GPR146: variants seen among roughly 807,000 people sequenced by gnomAD.
The protein encoded by GPR146 is G protein-coupled receptor 146, also known as G-protein coupled receptor 146.
For missense variants in GPR146, 381 were observed against 213.9 expected (o/e 1.78, Z -4.87); for synonymous variants, 203 against 104.3 (o/e 1.95, Z -5.77).
At chr7:1,048,857 C>T (rs1225885243) in intron 1 of GPR146, among the ~76,000 whole-genome samples, 3 of 152,202 alleles carry the variant, frequency 2.0e-5, no homozygotes, top group Admixed American at 1.3e-4. Flanking sequence ...GGTTCTCCTT[C>T]TCAGTCCCAT....
At chr7:1,055,229 C>T (rs746911807) in intron 1 of GPR146, 2 of 470,890 alleles carry the variant, frequency 4.2e-6, no homozygotes, top group East Asian at 6.9e-5. Flanking sequence ...GAGGGAGGGG[C>T]GGTGGCGCCT....
intron 1 of GPR146, among the ~76,000 whole-genome samples, chr7:1,048,473 G>C (rs1563045613): frequency 6.6e-6 from 1 of 152,044 alleles, no homozygotes; most frequent in Non-Finnish European, 1.5e-5. Context: ...TGCCTCTCAG[G>C]TTGAGAGGGG....
At chr7:1,048,262 G>C (rs936552107) in intron 1 of GPR146, among the ~76,000 whole-genome samples, 3 of 152,182 alleles carry the variant, frequency 2.0e-5, no homozygotes, top group African/African-American at 4.8e-5. Flanking sequence ...GCCGGCCCCA[G>C]CTCTGACAGG....
chr7:1,046,954 CG>C (rs1377867661), intron 1 of GPR146, among the ~76,000 whole-genome samples: 2 of 152,234 alleles, frequency 1.3e-5, no homozygotes, highest in African/African-American at 4.8e-5. Flanking sequence ...CCTAGTAAAC[CG>C]GGGCTCGACT....
At position 1,052,754 on chromosome 7, in the gene GPR146, C is replaced by T. The variant is rs191163402; in HGVS notation, c.-24-4738C>T. Among the ~76,000 whole-genome samples, 54 of 152,108 alleles carry T rather than the reference C, an allele frequency of 3.6e-4. No individual in the cohort carries two copies. Among genetic ancestry groups the T allele is most frequent in the Middle Eastern group, 3.4e-3 (1 of 294 alleles). On this transcript the variant is annotated intron_variant, in intron 1 of 1. Transcript: ENST00000444847. The surrounding 1 kb of genome is among the most constrained non-coding windows in gnomAD (Gnocchi z 4.2). Reference sequence around the variant, plus strand: ...CGGGCAGGCAGTGCTCAGAGTGAAACGGGTGACTGGAGGGCATGTGCCAGC... The same window carrying T: ...CGGGCAGGCAGTGCTCAGAGTGAAATGGGTGACTGGAGGGCATGTGCCAGC...
In GPR146 at chr7:1,058,460, C is replaced by G. The variant is rs773872714; in HGVS notation, c.945C>G (p.Pro315=). The G allele has an allele frequency of 6.4e-6, 5 of 780,492 alleles. No homozygotes were observed. Among genetic ancestry groups the G allele is most frequent in the Non-Finnish European group, 1.2e-5 (5 of 418,122 alleles). 48.3% of individuals were successfully genotyped at this position (780,492 alleles called of 1,614,324 possible). A position where few individuals can be genotyped will look rare whatever the true frequency, so the allele number is the denominator to read the frequency against. Residue 315 remains proline, a synonymous_variant, in exon 2 of 2, where the codon CCC becomes CCG. Transcript: ENST00000444847. Reference sequence around the variant, plus strand: ...TCCAACGGCTGATGAAAAAGCTGCCCTGCGGGGACCGGCACTGCTCCCCGG... The same window carrying G: ...TCCAACGGCTGATGAAAAAGCTGCCGTGCGGGGACCGGCACTGCTCCCCGG... ...SKLQRLMKKL[P]CGDRHCSPDH... is the part of the protein sequence containing the mutation.
rs1273640740 is a variant in GPR146 at position 1,057,895 on chromosome 7, A to G, written c.380A>G (p.His127Arg). Reference sequence around the variant, plus strand: ...TCCACCGCCCTGCTGAGCCTCGACCACTACATCGAGCGTGCACTGCCGCGG... The same window carrying G: ...TCCACCGCCCTGCTGAGCCTCGACCGCTACATCGAGCGTGCACTGCCGCGG... ...MYSTALLSLDHYIERALPRTY... is the reference protein window; with the variant it reads ...MYSTALLSLDRYIERALPRTY... Residue 127 changes from histidine to arginine, a missense_variant, in exon 2 of 2, where the codon CAC (histidine) becomes CGC (arginine). Physicochemically the swap from His to Arg is conservative, Grantham distance 29. Coordinates refer to ENST00000444847, the MANE Select transcript of GPR146 (RefSeq NM_001303473.2). 3 of 776,586 alleles carry G rather than the reference A, an allele frequency of 3.9e-6. No individual in the cohort carries two copies. Among genetic ancestry groups the G allele is most frequent in the Non-Finnish European group, 4.8e-6 (2 of 418,042 alleles). 48.1% of individuals were successfully genotyped at this position (776,586 alleles called of 1,614,324 possible). A position where few individuals can be genotyped will look rare whatever the true frequency, so the allele number is the denominator to read the frequency against.
At chr7:1,053,472 T>C (rs1040463125) in intron 1 of GPR146, among the ~76,000 whole-genome samples, 13 of 152,198 alleles carry the variant, frequency 8.5e-5, no homozygotes, top group Admixed American at 3.3e-4. Flanking sequence ...CTGGCTCACA[T>C]GACTCGCCAG....
At chr7:1,055,461 G>C (rs1217842584) in intron 1 of GPR146, 1 of 461,694 alleles carries the variant, frequency 2.2e-6, no homozygotes, top group Admixed American at 2.3e-5. Flanking sequence ...ACAGCACCAA[G>C]AGGCTTGGGC....
chr7:1,050,649 C>T (rs751778479), intron 1 of GPR146, among the ~76,000 whole-genome samples: 6 of 152,210 alleles, frequency 3.9e-5, no homozygotes, highest in Admixed American at 6.5e-5. Context: ...CTTGGAACGC[C>T]GCAGCCTAGG....
rs1457419964 is a variant in GPR146 at position 1,057,702 on chromosome 7, G to C, written c.187G>C (p.Asp63His). 5.2e-6 allele frequency: 4 copies of C among 775,172 alleles called. No individual in the cohort carries two copies. In the East Asian group the frequency reaches 9.7e-5, roughly 19 times the overall value. The allele number at this position is 775,172 out of a possible 1,614,324, so 48.0% of individuals were successfully genotyped here. The change falls in exon 2 of 2, where the codon GAC becomes CAC. Residue 63 changes from aspartate to histidine, a missense_variant. Coordinates refer to ENST00000444847, the MANE Select transcript of GPR146 (RefSeq NM_001303473.2). ...LHSKASMTMP[D>H]VYFVNMAVAG... ...CAGCAAGGCCAGCATGACCATGCCG[G>C]ACGTGTACTTTGTCAACATGGCAGT...
At chr7:1,046,743 C>G (rs1782619236) in intron 1 of GPR146, among the ~76,000 whole-genome samples, 1 of 152,240 alleles carries the variant, frequency 6.6e-6, no homozygotes, top group African/African-American at 2.4e-5. Context: ...TTCATCCCCA[C>G]AGAGCCACAC....
rs1296603042 is a variant in GPR146 at position 1,046,064 on chromosome 7, A to G, written c.-25+1406A>G. On this transcript the variant is annotated intron_variant, in intron 1 of 1. Transcript: ENST00000444847. ...TCATGTGGGTCTTAGGTTAGGATGT[A>G]AAGGCTGATTATGTCTATCATACAA... 7.3e-5 allele frequency among the ~76,000 whole-genome samples: 11 copies of G among 150,296 alleles called. No homozygotes were observed. The South Asian group carries it at 8.5e-4, about 12-fold the overall frequency.
intron 1 of GPR146, among the ~76,000 whole-genome samples, chr7:1,055,647 G>A (rs1298471173): frequency 6.6e-6 from 1 of 152,184 alleles, no homozygotes; most frequent in Non-Finnish European, 1.5e-5. Flanking sequence ...AGGGAATGAA[G>A]GGGTGCCGAG....
At chr7:1,047,534 G>C (rs1233195111) in intron 1 of GPR146, among the ~76,000 whole-genome samples, 2 of 152,262 alleles carry the variant, frequency 1.3e-5, no homozygotes, top group African/African-American at 4.8e-5. Flanking sequence ...GCTCCTAGGA[G>C]CTGGATGTTA....
In GPR146 at chr7:1,052,156, T is replaced by C. The variant is rs1490479384; in HGVS notation, c.-24-5336T>C. On this transcript the variant is annotated intron_variant, in intron 1 of 1. Transcript: ENST00000444847. This position sits in a 1 kb window ranked among gnomAD's most constrained non-coding sequence, Gnocchi z 4.2. ...ATGCTGCCTGCAGCCCCTCCCCTCC[T>C]GGCCCGAGATGCTGTCATTGTCCCT... is the stretch of plus-strand genomic sequence containing the variant. Among the ~76,000 whole-genome samples the C allele has an allele frequency of 2.0e-5, 3 of 152,240 alleles. No individual in the cohort carries two copies. Among genetic ancestry groups the C allele is most frequent in the East Asian group, 1.9e-4 (1 of 5,200 alleles).
At chr7:1,046,867 T>C (rs1337045283) in intron 1 of GPR146, among the ~76,000 whole-genome samples, 1 of 152,202 alleles carries the variant, frequency 6.6e-6, no homozygotes, top group African/African-American at 2.4e-5. Context: ...AATAACCTGC[T>C]GGCTCCTCCC....
rs199669475 is a variant in GPR146 at position 1,057,893 on chromosome 7, C to T, written c.378C>T (p.Asp126=). The T allele has an allele frequency of 8.0e-5, 62 of 776,748 alleles. No homozygotes were observed. The highest frequency in any genetic ancestry group is 4.5e-4 in the Middle Eastern group (2 of 4,442). The allele number at this position is 776,748 out of a possible 1,614,324, so 48.1% of individuals were successfully genotyped here. A position where few individuals can be genotyped will look rare whatever the true frequency, so the allele number is the denominator to read the frequency against. ...AMYSTALLSL[D]HYIERALPRT... Reference sequence around the variant, plus strand: ...ACTCCACCGCCCTGCTGAGCCTCGACCACTACATCGAGCGTGCACTGCCGC... The same window carrying T: ...ACTCCACCGCCCTGCTGAGCCTCGATCACTACATCGAGCGTGCACTGCCGC... Residue 126 remains aspartate, a synonymous_variant, in exon 2 of 2, where the codon GAC becomes GAT. Transcript: ENST00000444847.
chr7:1,045,133 C>G (rs1782459793), intron 1 of GPR146, among the ~76,000 whole-genome samples: 1 of 152,240 alleles, frequency 6.6e-6, no homozygotes, highest in African/African-American at 2.4e-5. Context: ...CAAAGCTTCA[C>G]TGGAAGGCAG....
Sources: gnomAD v4.1 joint callset for allele counts (sites outside exome capture counted in the v4.1 genomes callset) on GRCh38, gnomAD v4.1.1 for gene constraint, Gnocchi (gnomAD v3.1) non-coding constraint, MANE v1.5 for transcripts, NCBI Gene and HGNC (gene_info 2026-07-23, HGNC 2026-07-21) for gene names.